The following TCEA3 variants were observed in gnomAD, a reference collection of about 807,000 sequenced individuals.
TCEA3 encodes transcription elongation factor A protein 3.
A neutral mutation model predicts 44.0 loss-of-function variants in TCEA3; 36 were observed. The ratio of observed to expected loss-of-function variants is 0.82; its 90% CI spans 0.63 to 1.08. TCEA3 has a LOEUF of 1.08. Ranked by LOEUF, TCEA3 falls within the 50% of genes least tolerant of loss-of-function variation. The pLI is 0.00. For missense variants in TCEA3, 392 were observed against 441.2 expected (o/e 0.89, Z 1.00); for synonymous variants, 162 against 159.7 (o/e 1.01, Z -0.11).
chr1:23,421,849 C>T (rs1167204043), intron 1 of TCEA3, among the ~76,000 whole-genome samples: 4 of 152,172 alleles, frequency 2.6e-5, no homozygotes, highest in Non-Finnish European at 5.9e-5. Flanking sequence ...TTCCTGAAAA[C>T]GCAACAATCT....
intron 8 of TCEA3, among the ~76,000 whole-genome samples, chr1:23,388,944 A>G (rs532463187): frequency 4.5e-4 from 69 of 152,254 alleles, no homozygotes; most frequent in Non-Finnish European, 1.2e-4. Flanking sequence ...TGGACTCCCG[A>G]AGTGCCGGGA....
intron 4 of TCEA3, among the ~76,000 whole-genome samples, chr1:23,410,332 C>T (rs1213117): frequency 0.066 from 9,966 of 152,110 alleles, 1,107 homozygotes; most frequent in African/African-American, 0.22. Context: ...TTCCTCATTG[C>T]TTTTCTTTTT....
intron 10 of TCEA3, among the ~76,000 whole-genome samples, chr1:23,383,054 C>T (rs956202809): frequency 9.8e-4 from 149 of 152,158 alleles, no homozygotes; most frequent in Admixed American, 5.0e-3. Flanking sequence ...CCGAGGCGGG[C>T]GGATCACGAG....
intron 8 of TCEA3, 43 bp from the exon 9 acceptor site, chr1:23,387,462 G>A: frequency 2.6e-6 from 4 of 1,541,214 alleles, no homozygotes; most frequent in Non-Finnish European, 3.5e-6. Flanking sequence ...AGGAGTTTCA[G>A]GGGCCCTGCC....
rs368427590 is a variant in TCEA3 at position 23,417,431 on chromosome 1, G to A, written c.239-41C>T. 42 of 1,598,554 alleles carry A rather than the reference G, an allele frequency of 2.6e-5. No homozygotes were observed. The African/African-American group carries it at 5.4e-4, about 21-fold the overall frequency. ...TGGCATTGTCCCTCAGCTAAGCTCT[G>A]TCTCAGCAGAACCCAGCATGACTTA... On this transcript the variant is annotated intron_variant, in intron 3 of 10. Coordinates refer to ENST00000450454, the MANE Select transcript of TCEA3 (RefSeq NM_003196.3).
In TCEA3 at chr1:23,424,588, T is replaced by A; in HGVS notation, c.46A>T (p.Lys16Ter). The A allele has an allele frequency of 6.2e-7, 1 of 1,608,228 alleles. No homozygotes were observed. Among genetic ancestry groups the A allele is most frequent in the Middle Eastern group, 1.7e-4 (1 of 6,052 alleles). Reference sequence around the variant, plus strand: ...ACCGTGTTCTTCCTGGCCACCATCTTCTCCAGCTTTTTGGCGATCCTCAGC... The same window carrying A: ...ACCGTGTTCTTCCTGGCCACCATCTACTCCAGCTTTTTGGCGATCCTCAGC... The part of the protein sequence containing the change: ...ELLRIAKKLE[K>*]MVARKNTEGA... The change falls in exon 1 of 11, where the codon AAG (lysine) becomes TAG (stop). Residue 16 changes from lysine (K) to a stop codon, truncating the protein, a stop_gained. Coordinates refer to ENST00000450454, the MANE Select transcript of TCEA3 (RefSeq NM_003196.3). LOFTEE classifies it high-confidence loss of function.
At chr1:23,387,159 A>T in intron 9 of TCEA3, 114 bp downstream of exon 9, 1 of 1,362,822 alleles carries the variant, frequency 7.3e-7, no homozygotes, top group Non-Finnish European at 9.8e-7. Flanking sequence ...GGCAAAGCCT[A>T]GAGAGTTTTA....
At chr1:23,392,404 ATCATCATGC>A (rs1639062348) in intron 8 of TCEA3, among the ~76,000 whole-genome samples, 4 of 2,814 alleles carry the variant, frequency 1.4e-3, no homozygotes, top group African/African-American at 7.2e-3. Flanking sequence ...CACTCCACAC[ATCATCATGC>A]ACAATACACA....
intron 7 of TCEA3, among the ~76,000 whole-genome samples, chr1:23,394,728 C>T (rs1478888062): frequency 6.6e-6 from 1 of 152,260 alleles, no homozygotes; most frequent in Non-Finnish European, 1.5e-5. Context: ...CTCCCATTAA[C>T]AGATGAGGAA....
intron 8 of TCEA3, among the ~76,000 whole-genome samples, chr1:23,390,379 G>A (rs1451611998): frequency 6.6e-6 from 1 of 152,190 alleles, no homozygotes; most frequent in East Asian, 1.9e-4. Context: ...TACTTGGGAG[G>A]CTGAGGCAGG....
chr1:23,408,230 G>A (rs187574974), intron 5 of TCEA3, among the ~76,000 whole-genome samples: 277 of 152,240 alleles, frequency 1.8e-3, no homozygotes, highest in Non-Finnish European at 3.2e-3. Context: ...CCAAAGTGCT[G>A]GGATTACAGG....
At chr1:23,423,373 G>A (rs1640120372) in intron 1 of TCEA3, among the ~76,000 whole-genome samples, 2 of 152,174 alleles carry the variant, frequency 1.3e-5, no homozygotes, top group Non-Finnish European at 1.5e-5. Flanking sequence ...CTTCTCCAGA[G>A]GCAGATAATC....
intron 1 of TCEA3, 154 bp from the exon 2 acceptor site, chr1:23,419,293 A>G: frequency 1.9e-6 from 1 of 523,606 alleles, no homozygotes; most frequent in Non-Finnish European, 3.4e-6. Flanking sequence ...ACGAGAAACA[A>G]TCTGTCCTAG....
At chr1:23,408,479 T>C (rs1043606498) in intron 5 of TCEA3, 185 bp downstream of exon 5, 1 of 569,324 alleles carries the variant, frequency 1.8e-6, no homozygotes, top group South Asian at 2.5e-5. Flanking sequence ...CAAAGGCACA[T>C]CCAGAGGGTC....
intron 8 of TCEA3, among the ~76,000 whole-genome samples, chr1:23,393,102 G>A (rs1303874382): frequency 6.6e-6 from 1 of 152,056 alleles, no homozygotes; most frequent in Non-Finnish European, 1.5e-5. Flanking sequence ...AGATTCTCAT[G>A]AGAAGCATGC....
At chr1:23,382,310 A>G (rs893496065) in intron 10 of TCEA3, among the ~76,000 whole-genome samples, 6 of 152,192 alleles carry the variant, frequency 3.9e-5, no homozygotes, top group Admixed American at 3.9e-4. Context: ...AAAGTGCTGG[A>G]ATTACAGGCA....
intron 5 of TCEA3, among the ~76,000 whole-genome samples, chr1:23,399,384 T>G (rs1431857879): frequency 6.6e-6 from 1 of 151,844 alleles, no homozygotes; most frequent in East Asian, 1.9e-4. Context: ...TGTATTCACA[T>G]GGTGTCTCTT....
At chr1:23,383,743 C>T (rs1638739502) in intron 10 of TCEA3, 2 of 985,546 alleles carry the variant, frequency 2.0e-6, no homozygotes, top group African/African-American at 3.5e-5. Context: ...TCTGTTCCTT[C>T]AGGAGACTTG....
At chr1:23,419,417 TC>T in intron 1 of TCEA3, 1 of 328,252 alleles carries the variant, frequency 3.0e-6, no homozygotes, top group East Asian at 4.7e-5. Context: ...CCCTCCCCCT[TC>T]CCCATCTTTC....
Sources: allele counts gnomAD v4.1 joint callset (sites outside exome capture counted in the v4.1 genomes callset), GRCh38; gene constraint gnomAD v4.1.1; transcripts MANE v1.5; gene names NCBI Gene and HGNC (gene_info 2026-07-23, HGNC 2026-07-21).